The following COL3A1 variants were observed in gnomAD, a reference collection of about 807,000 sequenced individuals.
The protein encoded by COL3A1 is collagen type III alpha 1 chain.
Under a neutral mutation model 200.9 loss-of-function variants are expected in COL3A1, and 46 were observed. The ratio of observed to expected loss-of-function variants is 0.23; its 90% CI spans 0.18 to 0.29. The LOEUF is 0.29. Ranked by LOEUF, COL3A1 falls within the 10% of genes least tolerant of loss-of-function variation. The pLI, the probability that COL3A1 is intolerant of heterozygous loss-of-function variation, is 1.00. For synonymous variants in COL3A1, 650 were observed against 628.0 expected (o/e 1.03, Z -0.52); for missense variants, 1,367 against 1,917.6 (o/e 0.71, Z 5.36).
chr2:189,001,986 T>G (rs1688476484), intron 34 of COL3A1, among the ~76,000 whole-genome samples: 1 of 152,170 alleles, frequency 6.6e-6, no homozygotes, highest in South Asian at 2.1e-4. Flanking sequence ...AATCAGTTAA[T>G]TTTTCAGTTA....
chr2:188,985,380 C>T (rs552553921), intron 3 of COL3A1, 133 bp downstream of exon 3: 1 of 771,682 alleles, frequency 1.3e-6, no homozygotes, highest in Non-Finnish European at 2.2e-6. Context: ...CACCAAACAA[C>T]AGACTGAGAA....
rs13306256 is a variant in COL3A1 at position 189,001,295 on chromosome 2, A to G, written c.2284-102A>G. 225 of 1,126,668 alleles carry G rather than the reference A, an allele frequency of 2.0e-4. 1 individual carries two copies. In the East Asian group the frequency reaches 5.0e-3, roughly 25 times the overall value. The allele number at this position is 1,126,668 out of a possible 1,614,324, so 69.8% of individuals were successfully genotyped here. On this transcript the variant is annotated intron_variant, in intron 32 of 50. Coordinates refer to ENST00000304636, the MANE Select transcript of COL3A1 (RefSeq NM_000090.4). ...CATAAAAATTTTTAAAAAGTATGTT[A>G]TCTAGTTTATTAGGTATCTATGTCT...
chr2:189,004,351 C>T lies in COL3A1; in HGVS notation c.2918C>T (p.Pro973Leu), dbSNP rs543104831. 6 of 1,596,954 alleles carry T rather than the reference C, an allele frequency of 3.8e-6. No individual in the cohort carries two copies. In the Admixed American group the frequency reaches 5.2e-5, roughly 14 times the overall value. The change falls in exon 40 of 51, where the codon CCT becomes CTT. Residue 973 changes from proline (P) to leucine (L), a missense_variant. Coordinates refer to ENST00000304636, the MANE Select transcript of COL3A1 (RefSeq NM_000090.4). ...CCAGGTCCTAGGGGAAGCCCTGGCC[C>T]TCAGGGTGTCAAGGTGAGTATAGTC... Reference protein sequence around the residue: ...GMPGPRGSPGPQGVKGESGKP... With the variant: ...GMPGPRGSPGLQGVKGESGKP...
At chr2:188,987,726 G>T (rs1688093250) in intron 5 of COL3A1, among the ~76,000 whole-genome samples, 1 of 152,058 alleles carries the variant, frequency 6.6e-6, no homozygotes, top group South Asian at 2.1e-4. Flanking sequence ...ACTGAGTTTG[G>T]CTGCCAAGCG....
chr2:189,008,492 C>G (rs1576473157), intron 47 of COL3A1: 1 of 402,436 alleles, frequency 2.5e-6, no homozygotes, highest in Non-Finnish European at 4.6e-6. Context: ...ACTTCTCAAA[C>G]AGCTTCCATG....
Position 188,994,111 on chromosome 2 carries a change from C to T in COL3A1, c.1194+29C>T. 1 of 1,613,792 alleles carries T rather than the reference C, an allele frequency of 6.2e-7. No individual in the cohort carries two copies. The highest frequency in any genetic ancestry group is 8.5e-7 in the Non-Finnish European group (1 of 1,179,686). On this transcript the variant is annotated intron_variant, in intron 17 of 50. Coordinates refer to ENST00000304636, the MANE Select transcript of COL3A1 (RefSeq NM_000090.4). The surrounding 1 kb of genome is among the most constrained non-coding windows in gnomAD (Gnocchi z 4.5). ...AGCTGTCCCCACTCCTCAGCCTTAT[C>T]TCATCCACACATTACTGGCTTCTTT...
chr2:188,992,826 T>G, intron 14 of COL3A1, 61 bp from the exon 15 acceptor site: 2 of 1,289,820 alleles, frequency 1.6e-6, no homozygotes, highest in South Asian at 2.4e-5. Context: ...ACTTATTTAC[T>G]AGTATGTCAG....
intron 1 of COL3A1, among the ~76,000 whole-genome samples, chr2:188,977,037 T>C (rs1490034946): frequency 2.0e-5 from 3 of 152,154 alleles, no homozygotes; most frequent in Admixed American, 1.3e-4. Flanking sequence ...CAAACACATA[T>C]ACTGACACGA....
At chr2:188,996,303 TATAC>T (rs1450026695) in intron 23 of COL3A1, 91 bp from the exon 24 acceptor site, 278 of 774,108 alleles carry the variant, frequency 3.6e-4, no homozygotes, top group African/African-American at 2.6e-3. Context: ...TATCTATATA[TATAC>T]ACACACACAC....
chr2:188,992,989 A>G, intron 15 of COL3A1, 49 bp downstream of exon 15: 1 of 1,561,022 alleles, frequency 6.4e-7, no homozygotes, highest in Non-Finnish European at 8.8e-7. Context: ...TGGAGGCAAG[A>G]GAAAAGCATT....
chr2:188,990,941 T>C (rs983985694), intron 10 of COL3A1, 63 bp from the exon 11 acceptor site: 44 of 1,522,932 alleles, frequency 2.9e-5, no homozygotes, highest in Non-Finnish European at 3.8e-5. Context: ...CATGTAAACT[T>C]TATCAATCAT....
rs1576472731 is a variant in COL3A1, at chr2:189,007,836, C to T, written c.3364-49C>T. On this transcript the variant is annotated intron_variant, in intron 45 of 50. Transcript: ENST00000304636. ...ATCTGATCTTGAATGTACAGTTTCC[C>T]AGTGCTTTTTAAGGCCTTCACTCCT... 3.1e-6 allele frequency: 5 copies of T among 1,597,512 alleles called. No individual in the cohort carries two copies. The East Asian group carries it at 1.1e-4, about 36-fold the overall frequency.
chr2:189,007,514 A>C lies in COL3A1; in HGVS notation c.3270A>C (p.Pro1090=). ...GSRGAPGPQG[P]RGDKGETGER... is the part of the protein sequence containing the mutation. ...TGTTTCTAAAGGGTCCTCAAGGCCC[A>C]CGTGGTGACAAAGGTGAAACAGGTG... The change falls in exon 45 of 51, where the codon CCA becomes CCC. Residue 1090 remains proline, a synonymous_variant. Coordinates refer to ENST00000304636, the MANE Select transcript of COL3A1 (RefSeq NM_000090.4). The C allele has an allele frequency of 6.2e-7, 1 of 1,613,576 alleles. No homozygotes were observed.
chr2:188,981,875 T>C (rs896168192), intron 1 of COL3A1, among the ~76,000 whole-genome samples: 4 of 151,620 alleles, frequency 2.6e-5, no homozygotes, highest in Non-Finnish European at 4.4e-5. Flanking sequence ...TATACAAAAC[T>C]ATTTTTTTCA....
At position 188,987,052 on chromosome 2, in the gene COL3A1, GC is replaced by G; in HGVS notation, c.448-5del. ...AATGATCATATCTATTTGTCTCCTT[GC>G]CACAGAACTATTCTCCCCAGTATGA... is the stretch of plus-strand genomic sequence containing the variant. On this transcript the variant is annotated splice_polypyrimidine_tract_variant and splice_region_variant and intron_variant, in intron 4 of 50. Transcript: ENST00000304636. 6.2e-7 allele frequency: 1 copy of G among 1,610,158 alleles called. No homozygotes were observed. The highest frequency in any genetic ancestry group is 8.5e-7 in the Non-Finnish European group (1 of 1,176,734).
At chr2:189,006,601 T>C (rs1366979041) in intron 43 of COL3A1, 149 bp downstream of exon 43, 3 of 832,770 alleles carry the variant, frequency 3.6e-6, no homozygotes, top group Non-Finnish European at 5.9e-6. Context: ...CTTAGACAAA[T>C]GTGTGAATAA....
At position 189,009,036 on chromosome 2, in the gene COL3A1, C is replaced by T. The variant is rs1414222096; in HGVS notation, c.3638C>T (p.Ala1213Val). 6.2e-7 allele frequency: 1 copy of T among 1,614,066 alleles called. No homozygotes were observed. The highest frequency in any genetic ancestry group is 1.3e-5 in the African/African-American group (1 of 74,932). ...AAIAGIGGEKAGGFAPYYGDE... is the reference protein window; with the variant it reads ...AAIAGIGGEKVGGFAPYYGDE... ...ATTGCTGGGATTGGAGGTGAAAAAGCTGGCGGTTTTGCCCCGTATTATGGA... is the reference window on the plus strand; with the variant it reads ...ATTGCTGGGATTGGAGGTGAAAAAGTTGGCGGTTTTGCCCCGTATTATGGA... Residue 1213 changes from alanine (A) to valine (V), a missense_variant, in exon 48 of 51, where the codon GCT (alanine) becomes GTT (valine). By Grantham distance (64) the Ala-to-Val change is moderately conservative. This residue lies in a region of COL3A1 where 846 missense variants were observed against 1,147.9 expected (regional missense o/e 0.74). Transcript: ENST00000304636.
At chr2:189,011,574 G>A in intron 50 of COL3A1, 54 bp from the exon 51 acceptor site, 1 of 1,608,262 alleles carries the variant, frequency 6.2e-7, no homozygotes, top group Non-Finnish European at 8.5e-7. Flanking sequence ...TTAAGTCAGA[G>A]TTGTCTAAGT....
Position 188,996,137 on chromosome 2 carries a change from A to G in COL3A1, c.1621A>G (p.Ser541Gly). 1 of 1,613,786 alleles carries G rather than the reference A, an allele frequency of 6.2e-7. No individual in the cohort carries two copies. Among genetic ancestry groups the G allele is most frequent in the Non-Finnish European group, 8.5e-7 (1 of 1,179,906 alleles). The change falls in exon 23 of 51, where the codon AGT becomes GGT. Residue 541 changes from serine to glycine, a missense_variant. Physicochemically the swap from Ser to Gly is moderately conservative, Grantham distance 56. Transcript: ENST00000304636. ...TTCTTTACTTCAGGGCATGCCCGGA[A>G]GTCCAGGAGGACCAGGAAGTGATGG... ...GGPGMRGMPG[S>G]PGGPGSDGKP...
Sources: allele counts gnomAD v4.1 joint callset (sites outside exome capture counted in the v4.1 genomes callset), GRCh38; gene constraint gnomAD v4.1.1; regional missense constraint gnomAD v4.1.1; non-coding constraint Gnocchi (gnomAD v3.1); transcripts MANE v1.5; gene names NCBI Gene and HGNC (gene_info 2026-07-23, HGNC 2026-07-21).